Variants in DGLUCY observed in about 807,000 individuals in gnomAD.
The protein encoded by DGLUCY is D-glutamate cyclase.
Under a neutral mutation model 58.5 loss-of-function variants are expected in DGLUCY, and 58 were observed. The ratio of observed to expected loss-of-function variants is 0.99; its 90% CI spans 0.80 to 1.23. The LOEUF (loss-of-function observed/expected upper bound fraction) is 1.23, where lower values mean the gene tolerates loss of function less well. DGLUCY is among the 50% of genes most tolerant of loss of function. DGLUCY has a pLI of 0.00. For missense variants in DGLUCY, 779 were observed against 784.7 expected, an observed-to-expected ratio of 0.99 and a Z score of 0.09; for synonymous variants, 325 against 314.1, an observed-to-expected ratio of 1.03 and a Z score of -0.37.
At position 91,204,690 on chromosome 14, in the gene DGLUCY, C is replaced by T. The variant is rs765575863; in HGVS notation, c.1445-16C>T. 6.8e-6 allele frequency: 11 copies of T among 1,612,852 alleles called. No individual in the cohort carries two copies. The East Asian group carries it at 2.5e-4, about 36-fold the overall frequency. Reference sequence around the variant, plus strand: ...GCCCTGGTCCCGTGCACTGACTCAGCTCCCCTTCCCTTCAGGAGTCGGTGA... The same window carrying T: ...GCCCTGGTCCCGTGCACTGACTCAGTTCCCCTTCCCTTCAGGAGTCGGTGA... On this transcript the variant is annotated splice_polypyrimidine_tract_variant and intron_variant, in intron 11 of 13. Transcript: ENST00000256324.
At chr14:91,149,403 G>A (rs1255545984) in intron 1 of DGLUCY, among the ~76,000 whole-genome samples, 1 of 152,178 alleles carries the variant, frequency 6.6e-6, no homozygotes, top group Non-Finnish European at 1.5e-5. Flanking sequence ...GGAGATGTGT[G>A]GAGCCCCCAG....
intron 1 of DGLUCY, among the ~76,000 whole-genome samples, chr14:91,153,426 G>T (rs748391412): frequency 6.6e-5 from 10 of 152,090 alleles, no homozygotes; most frequent in Non-Finnish European, 1.3e-4. Flanking sequence ...CAAGTGATCC[G>T]CCCACCTCGG....
intron 12 of DGLUCY, among the ~76,000 whole-genome samples, chr14:91,207,203 T>G (rs1009975623): frequency 1.4e-5 from 2 of 139,250 alleles, no homozygotes; most frequent in African/African-American, 5.4e-5. Context: ...GATCAATAAC[T>G]CTGTAACAGA....
intron 1 of DGLUCY, among the ~76,000 whole-genome samples, chr14:91,097,234 C>T (rs781018717): frequency 4.6e-5 from 7 of 151,678 alleles, no homozygotes; most frequent in African/African-American, 7.3e-5. Context: ...CTGTCTATAC[C>T]GAAAAAATAC....
At chr14:91,132,199 A>G (rs1428714456) in intron 1 of DGLUCY, among the ~76,000 whole-genome samples, 1 of 152,160 alleles carries the variant, frequency 6.6e-6, no homozygotes, top group African/African-American at 2.4e-5. Flanking sequence ...TGAGCTCTCA[A>G]ATTTCCTGTG....
At chr14:91,076,254 C>G (rs915012427) in intron 1 of DGLUCY, among the ~76,000 whole-genome samples, 2 of 152,140 alleles carry the variant, frequency 1.3e-5, no homozygotes, top group South Asian at 2.1e-4. Flanking sequence ...ATACTAATAT[C>G]CATGGATACT....
At chr14:91,104,297 C>T (rs554181436), upstream of DGLUCY, among the ~76,000 whole-genome samples, 3 of 151,900 alleles carry the variant, frequency 2.0e-5, no homozygotes, top group Admixed American at 2.0e-4. Flanking sequence ...CTCCTGACCT[C>T]GTGATCCGCC....
At chr14:91,112,189 C>T (rs1157171319), upstream of DGLUCY, among the ~76,000 whole-genome samples, 2 of 150,840 alleles carry the variant, frequency 1.3e-5, no homozygotes, top group African/African-American at 4.9e-5. Context: ...GCGAAGATTG[C>T]GGTGAGCCAA....
At chr14:91,210,557 TAATAAAA>T (rs1424246086) in intron 12 of DGLUCY, among the ~76,000 whole-genome samples, 1 of 152,010 alleles carries the variant, frequency 6.6e-6, no homozygotes, top group African/African-American at 2.4e-5. Flanking sequence ...AATAATTTTT[TAATAAAA>T]AATAAAAATC....
In DGLUCY at chr14:91,199,788, G is replaced by A. The variant is rs763665976; in HGVS notation, c.1327G>A (p.Gly443Arg). The A allele has an allele frequency of 1.2e-4, 191 of 1,614,046 alleles. No individual in the cohort carries two copies. The highest frequency in any genetic ancestry group is 4.5e-5 in the East Asian group (2 of 44,894). ...CCACCTGGTGGCCATAGAGCGTGCCGGAAGAGCTGCTGATGGCAATTACTA... is the reference window on the plus strand; with the variant it reads ...CCACCTGGTGGCCATAGAGCGTGCCAGAAGAGCTGCTGATGGCAATTACTA... ...FDHLVAIERA[G>R]RAADGNYYNA... The change falls in exon 11 of 14, where the codon GGA becomes AGA. Residue 443 changes from glycine (G) to arginine (R), a missense_variant. Gly to Arg is a moderately radical substitution (Grantham distance 125). Transcript: ENST00000256324.
At chr14:91,061,062 GGGGAGGGATGATT>G (rs2043662532) in intron 1 of DGLUCY, among the ~76,000 whole-genome samples, 1 of 152,126 alleles carries the variant, frequency 6.6e-6, no homozygotes, top group Non-Finnish European at 1.5e-5. Context: ...CGAAAGAGGC[GGGGAGGGATGATT>G]GGAACGTTTG....
In DGLUCY at chr14:91,152,081, G is replaced by T. The variant is rs1185133958; in HGVS notation, c.-81-5558G>T. 4.6e-5 allele frequency among the ~76,000 whole-genome samples: 7 copies of T among 152,226 alleles called. No homozygotes were observed. The East Asian group carries it at 1.2e-3, about 25-fold the overall frequency. ...AGGGGAGGAGAAGGGACCACCATTT[G>T]CTTTCATTGAAAATATTTGTTTTGG... On this transcript the variant is annotated intron_variant, in intron 1 of 13. Coordinates refer to ENST00000256324, the MANE Select transcript of DGLUCY (RefSeq NM_001102368.3).
At chr14:91,134,746 AC>A (rs1343908349) in intron 1 of DGLUCY, among the ~76,000 whole-genome samples, 1 of 151,564 alleles carries the variant, frequency 6.6e-6, no homozygotes, top group Non-Finnish European at 1.5e-5. Context: ...CCTCACAATT[AC>A]ATTTCTAACT....
At chr14:91,068,830 G>A (rs1315227670) in intron 1 of DGLUCY, among the ~76,000 whole-genome samples, 1 of 152,178 alleles carries the variant, frequency 6.6e-6, no homozygotes, top group African/African-American at 2.4e-5. Context: ...CACAAACCAT[G>A]AGGTATGCCT....
At chr14:91,137,040 G>A (rs1207032071) in intron 1 of DGLUCY, among the ~76,000 whole-genome samples, 1 of 152,036 alleles carries the variant, frequency 6.6e-6, no homozygotes, top group East Asian at 1.9e-4. Flanking sequence ...GCTGAAAAAT[G>A]GCCAGCTGTG....
chr14:91,171,040 G>A (rs942979813), intron 5 of DGLUCY, among the ~76,000 whole-genome samples: 2 of 152,186 alleles, frequency 1.3e-5, no homozygotes, highest in African/African-American at 4.8e-5. Context: ...CTTGAAGCTA[G>A]GGAAGGGTGG....
intron 1 of DGLUCY, among the ~76,000 whole-genome samples, chr14:91,097,372 G>A (rs570494748): frequency 2.6e-3 from 401 of 152,196 alleles, no homozygotes; most frequent in Non-Finnish European, 4.2e-3. Context: ...CTCCAGCTTG[G>A]GTGACAGAGC....
At chr14:91,181,008 G>A (rs2049137561) in intron 7 of DGLUCY, among the ~76,000 whole-genome samples, 178 bp from the exon 8 acceptor site, 1 of 152,182 alleles carries the variant, frequency 6.6e-6, no homozygotes, top group African/African-American at 2.4e-5. Context: ...CTGTTTAAAT[G>A]GAACTTGATG....
intron 1 of DGLUCY, among the ~76,000 whole-genome samples, chr14:91,125,004 TC>T (rs1013642230): frequency 1.3e-5 from 2 of 152,218 alleles, no homozygotes; most frequent in African/African-American, 4.8e-5. Flanking sequence ...ACAAGTTACT[TC>T]CTCCTTCCTT....
Sources: allele counts gnomAD v4.1 joint callset (sites outside exome capture counted in the v4.1 genomes callset), GRCh38; gene constraint gnomAD v4.1.1; transcripts MANE v1.5; gene names NCBI Gene and HGNC (gene_info 2026-07-23, HGNC 2026-07-21).